The following CALD1 variants were observed in gnomAD, a reference collection of about 807,000 sequenced individuals.
CALD1 encodes the protein caldesmon.
A neutral mutation model predicts 99.9 loss-of-function variants in CALD1; 33 were observed. That is an observed-to-expected ratio of 0.33 (90% CI 0.25 to 0.44). CALD1 has a LOEUF of 0.44. Among genes scored for constraint, CALD1 ranks in the 20% least tolerant of loss-of-function variants. The pLI is 1.00. For missense variants in CALD1, 861 were observed against 962.1 expected (o/e 0.89, Z 1.39); for synonymous variants, 310 against 325.0 (o/e 0.95, Z 0.50).
At chr7:134,904,703 G>C (rs769360585) in intron 3 of CALD1, among the ~76,000 whole-genome samples, 38 of 152,250 alleles carry the variant, frequency 2.5e-4, no homozygotes, top group Non-Finnish European at 4.3e-4. Context: ...TTGCCTCTTT[G>C]TGATCAGGAA....
chr7:134,968,451 T>C lies in CALD1; in HGVS notation c.*106T>C, dbSNP rs1808835852. The C allele has an allele frequency of 2.1e-6, 2 of 964,952 alleles. No homozygotes were observed. The highest frequency in any genetic ancestry group is 4.9e-5 in the East Asian group (2 of 41,032). 59.8% of individuals were successfully genotyped at this position (964,952 alleles called of 1,614,324 possible). The stretch of plus-strand genomic sequence containing the variant: ...TGTTGATTTACTAAATTGGGTTCAT[T>C]ATCTTTTATTTTTCAATATCCCAGT... On this transcript the variant is annotated 3_prime_UTR_variant, in exon 15 of 15. Transcript: ENST00000361675.
chr7:134,733,988 T>C, the CALD1 span, among the ~76,000 whole-genome samples: 99,935 of 151,036 alleles, frequency 0.66, 33,604 homozygotes, highest in East Asian at 0.89. Flanking sequence ...ATACATAGCA[T>C]ATATTATATA....
In CALD1 at chr7:134,771,978, G is replaced by T. The variant is rs111901513; in HGVS notation, c.-130+27615G>T. ...TATATATTCATGTGTTAACTAATGT[G>T]TATATCTGCCTCCCTCCATCAAAAT... is the stretch of plus-strand genomic sequence containing the variant. On this transcript the variant is annotated intron_variant, in intron 1 of 13. Transcript: ENST00000417172. 1.0e-2 allele frequency among the ~76,000 whole-genome samples: 1,514 copies of T among 151,844 alleles called. 27 individuals are homozygous for T. The highest frequency in any genetic ancestry group is 0.035 in the African/African-American group (1,445 of 41,374).
intron 1 of CALD1, among the ~76,000 whole-genome samples, chr7:134,809,974 T>G (rs1444976308): frequency 6.6e-6 from 1 of 152,222 alleles, no homozygotes; most frequent in Non-Finnish European, 1.5e-5. Flanking sequence ...TTGACAATAT[T>G]TAGAAAACCA....
intron 9 of CALD1, among the ~76,000 whole-genome samples, chr7:134,952,326 C>T (rs935529666): frequency 3.3e-5 from 5 of 151,844 alleles, no homozygotes; most frequent in Non-Finnish European, 5.9e-5. Flanking sequence ...AGAATCATAG[C>T]GAGGTCTGGA....
At chr7:134,874,851 A>G (rs1009260922) in intron 3 of CALD1, among the ~76,000 whole-genome samples, 3 of 152,174 alleles carry the variant, frequency 2.0e-5, no homozygotes, top group African/African-American at 7.2e-5. Context: ...TGGGGTCTCT[A>G]AAGTCCCCTC....
intron 3 of CALD1, among the ~76,000 whole-genome samples, chr7:134,900,640 C>T (rs558106361): frequency 1.3e-5 from 2 of 152,238 alleles, no homozygotes; most frequent in East Asian, 3.9e-4. Flanking sequence ...AGATCCCACT[C>T]ATGACACAGT....
intron 2 of CALD1, among the ~76,000 whole-genome samples, chr7:134,849,931 G>T (rs1483906455): frequency 6.6e-6 from 1 of 152,160 alleles, no homozygotes; most frequent in Non-Finnish European, 1.5e-5. Flanking sequence ...ACCTGGATCT[G>T]CCCTGAAACT....
chr7:134,944,422 T>C (rs1806699050), intron 7 of CALD1: 1 of 151,656 alleles, frequency 6.6e-6, no homozygotes, highest in Non-Finnish European at 1.5e-5. Flanking sequence ...TAAATGTTGA[T>C]TACAATCTAC....
At chr7:134,963,367 A>C in intron 13 of CALD1, among the ~76,000 whole-genome samples, 1 of 152,218 alleles carries the variant, frequency 6.6e-6, no homozygotes, top group East Asian at 1.9e-4. Flanking sequence ...CCAGAAACTC[A>C]GTAAAGTTTA....
At chr7:134,733,536 C>T in the CALD1 span, among the ~76,000 whole-genome samples, 1 of 152,228 alleles carries the variant, frequency 6.6e-6, no homozygotes, top group Admixed American at 6.5e-5. Flanking sequence ...AGGCCGGGCG[C>T]GGTGGCTCAA....
chr7:134,920,264 A>G (rs1412682226), intron 3 of CALD1, among the ~76,000 whole-genome samples: 1 of 125,642 alleles, frequency 8.0e-6, no homozygotes, highest in Non-Finnish European at 1.8e-5. Flanking sequence ...CATGCTATGA[A>G]ATAAAATCCC....
intron 1 of CALD1, among the ~76,000 whole-genome samples, chr7:134,788,987 C>T (rs1797414486): frequency 6.8e-6 from 1 of 147,838 alleles, no homozygotes; most frequent in African/African-American, 2.5e-5. Flanking sequence ...TGCACTCCAC[C>T]CTGGGTGACA....
chr7:134,967,278 G>A (rs17168135), intron 14 of CALD1, among the ~76,000 whole-genome samples: 9,140 of 150,472 alleles, frequency 0.061, 346 homozygotes, highest in South Asian at 0.14. Context: ...TCTTTCTACA[G>A]TAGTAATAAT....
chr7:134,867,777 G>A lies in CALD1; in HGVS notation c.44G>A (p.Arg15Lys). The change falls in exon 3 of 15, where the codon AGG becomes AAG. Residue 15 changes from arginine to lysine, a missense_variant. Coordinates refer to ENST00000361675, the MANE Select transcript of CALD1 (RefSeq NM_033138.4). ...ERRRELRRQKREEMRLEAERI... is the reference protein window; with the variant it reads ...ERRRELRRQKKEEMRLEAERI... ...CGCAGAGAACTTAGAAGGCAAAAGAGGGAGGAGATGCGACTCGAAGCAGAA... is the reference window on the plus strand; with the variant it reads ...CGCAGAGAACTTAGAAGGCAAAAGAAGGAGGAGATGCGACTCGAAGCAGAA... 1 of 1,609,206 alleles carries A rather than the reference G, an allele frequency of 6.2e-7. No homozygotes were observed. Among genetic ancestry groups the A allele is most frequent in the Non-Finnish European group, 8.5e-7 (1 of 1,176,670 alleles).
chr7:134,831,710 T>A (rs1322085101), intron 1 of CALD1, among the ~76,000 whole-genome samples: 4 of 152,212 alleles, frequency 2.6e-5, no homozygotes. Flanking sequence ...AGAGATGGCA[T>A]AACTTCTAGA....
chr7:134,845,031 T>C (rs1281713522), intron 2 of CALD1, among the ~76,000 whole-genome samples: 1 of 152,218 alleles, frequency 6.6e-6, no homozygotes, highest in Admixed American at 6.5e-5. Context: ...ACCATCATTT[T>C]CCCTCTCTAA....
At chr7:134,947,994 G>T in intron 8 of CALD1, 1 of 477,416 alleles carries the variant, frequency 2.1e-6, no homozygotes, top group Non-Finnish European at 3.6e-6. Context: ...GAAAACTGAG[G>T]CACAGAGAGG....
Position 134,928,857 on chromosome 7 carries a change from T to A in CALD1, c.175T>A (p.Leu59Met). The change falls in exon 4 of 15, where the codon TTG becomes ATG. Residue 59 changes from leucine (L) to methionine (M), a missense_variant. Physicochemically the swap from Leu to Met is conservative, Grantham distance 15. Transcript: ENST00000361675. The part of the protein sequence containing the change: ...RLRQKQEEES[L>M]GQVTDQVEVN... ...GCGGCAGAAGCAGGAGGAAGAATCC[T>A]TGGGACAGGTGACCGACCAGGTGGA... 6.2e-7 allele frequency: 1 copy of A among 1,613,862 alleles called. No individual in the cohort carries two copies. The highest frequency in any genetic ancestry group is 8.5e-7 in the Non-Finnish European group (1 of 1,179,914).
Sources: gnomAD v4.1 joint callset for allele counts (sites outside exome capture counted in the v4.1 genomes callset) on GRCh38, gnomAD v4.1.1 for gene constraint, MANE v1.5 for transcripts, NCBI Gene and HGNC (gene_info 2026-07-23, HGNC 2026-07-21) for gene names.